Variants in VEPH1 observed in about 807,000 individuals in gnomAD.
VEPH1 encodes the protein ventricular zone-expressed PH domain-containing protein homolog 1.
VEPH1 carries 80 observed loss-of-function variants against 85.2 expected under a neutral mutation model. The observed-to-expected ratio is 0.94, with a 90% CI of 0.78 to 1.13. The LOEUF (loss-of-function observed/expected upper bound fraction) is 1.13. Among genes scored for constraint, VEPH1 ranks in the 50% most tolerant of loss-of-function variants. The pLI is 0.00. For synonymous variants in VEPH1, 297 were observed against 348.0 expected (o/e 0.85, Z 1.63); for missense variants, 955 against 980.5 (o/e 0.97, Z 0.35).
At chr3:157,351,400 G>C (rs555466922) in intron 9 of VEPH1, among the ~76,000 whole-genome samples, 1 of 152,000 alleles carries the variant, frequency 6.6e-6, no homozygotes, top group East Asian at 2.0e-4. Context: ...ATCCATGTTG[G>C]ACAGGCTGGT....
chr3:157,412,690 G>C (rs1731622035), intron 6 of VEPH1, among the ~76,000 whole-genome samples: 1 of 151,850 alleles, frequency 6.6e-6, no homozygotes. Flanking sequence ...ATTATACTAA[G>C]AGTACATCTA....
chr3:157,456,731 C>T (rs572397715), intron 4 of VEPH1, among the ~76,000 whole-genome samples: 10 of 151,814 alleles, frequency 6.6e-5, no homozygotes, highest in African/African-American at 1.5e-4. Context: ...TTGGTCTATG[C>T]GTGTGTTTTT....
chr3:157,446,790 A>G (rs1734588087), intron 4 of VEPH1, among the ~76,000 whole-genome samples: 1 of 152,190 alleles, frequency 6.6e-6, no homozygotes. Flanking sequence ...CCTTGCATCA[A>G]GTTTTATAAA....
chr3:157,385,557 G>A (rs1054927409), intron 6 of VEPH1, among the ~76,000 whole-genome samples: 2 of 152,222 alleles, frequency 1.3e-5, no homozygotes, highest in African/African-American at 4.8e-5. Flanking sequence ...AAAAAATTTA[G>A]TGAGAAGACT....
intron 5 of VEPH1, among the ~76,000 whole-genome samples, chr3:157,418,722 T>C (rs146993012): frequency 6.6e-6 from 1 of 152,034 alleles, no homozygotes; most frequent in Non-Finnish European, 1.5e-5. Context: ...TGCTCATAGA[T>C]AGAAAGAATC....
At chr3:157,464,994 C>T (rs1736230015) in intron 3 of VEPH1, among the ~76,000 whole-genome samples, 2 of 152,308 alleles carry the variant, frequency 1.3e-5, no homozygotes, top group East Asian at 1.9e-4. Context: ...AATTGGCACA[C>T]AAGCTAAGTT....
At chr3:157,381,672 TTGTGCCACTG>T in intron 6 of VEPH1, 3 of 368,488 alleles carry the variant, frequency 8.1e-6, no homozygotes, top group Non-Finnish European at 1.5e-5. Context: ...TGAGCCAAGA[TTGTGCCACTG>T]CACTCCAGCC....
At chr3:157,450,041 A>AG in intron 4 of VEPH1, among the ~76,000 whole-genome samples, 1 of 135,104 alleles carries the variant, frequency 7.4e-6, no homozygotes, top group Non-Finnish European at 1.6e-5. Context: ...TGACTGGAGA[A>AG]TATTTACTTT....
intron 7 of VEPH1, among the ~76,000 whole-genome samples, chr3:157,379,213 C>T (rs1054318081): frequency 3.3e-5 from 5 of 152,342 alleles, no homozygotes; most frequent in Admixed American, 6.5e-5. Flanking sequence ...TCTGACCTAA[C>T]TTTTCAACTT....
intron 6 of VEPH1, among the ~76,000 whole-genome samples, chr3:157,391,575 C>T (rs1223301240): frequency 6.6e-6 from 1 of 152,162 alleles, no homozygotes; most frequent in South Asian, 2.1e-4. Context: ...AGGTCAGAGT[C>T]TTTGGGAAAT....
intron 6 of VEPH1, among the ~76,000 whole-genome samples, chr3:157,391,110 G>GTTCCAC (rs1729812945): frequency 6.6e-6 from 1 of 152,290 alleles, no homozygotes; most frequent in South Asian, 2.1e-4. Context: ...ACCCCTTGCC[G>GTTCCAC]TTCCACGCCT....
intron 5 of VEPH1, among the ~76,000 whole-genome samples, chr3:157,426,806 CTTTTT>C (rs532205431): frequency 8.6e-6 from 1 of 116,242 alleles, no homozygotes; most frequent in Non-Finnish European, 1.7e-5. Context: ...AAATCTGTTG[CTTTTT>C]TTTTTTTTTT....
In VEPH1 at chr3:157,325,100, C is replaced by CT. The variant is rs200265930; in HGVS notation, c.1736-7900dup. The stretch of plus-strand genomic sequence containing the variant: ...TTCTCTAATGATCAGTGACATTGAG[C>CT]TTTTTTTCATGTTTGTTGGCTGCAT... On this transcript the variant is annotated intron_variant, in intron 9 of 13. Coordinates refer to ENST00000362010, the MANE Select transcript of VEPH1 (RefSeq NM_001167912.2). 9.6e-3 allele frequency among the ~76,000 whole-genome samples: 1,459 copies of CT among 152,184 alleles called. 25 individuals are homozygous for CT. Among genetic ancestry groups the CT allele is most frequent in the East Asian group, 0.043 (222 of 5,174 alleles).
intron 6 of VEPH1, among the ~76,000 whole-genome samples, chr3:157,401,340 G>A (rs1023702894): frequency 1.3e-5 from 2 of 152,082 alleles, no homozygotes; most frequent in African/African-American, 4.8e-5. Flanking sequence ...GAACAATATG[G>A]TAAGATTTAA....
chr3:157,348,217 G>A (rs1216597418), intron 9 of VEPH1, among the ~76,000 whole-genome samples: 1 of 152,158 alleles, frequency 6.6e-6, no homozygotes, highest in African/African-American at 2.4e-5. Flanking sequence ...AGGGGCATGG[G>A]GGTGCAGATG....
At chr3:157,340,197 C>T (rs1303977499) in intron 9 of VEPH1, among the ~76,000 whole-genome samples, 1 of 152,170 alleles carries the variant, frequency 6.6e-6, no homozygotes, top group African/African-American at 2.4e-5. Flanking sequence ...GTGCAGCCCA[C>T]TGAGTGTGAG....
chr3:157,318,540 G>A (rs140805526), intron 9 of VEPH1, among the ~76,000 whole-genome samples: 37 of 151,652 alleles, frequency 2.4e-4, no homozygotes, highest in African/African-American at 8.2e-4. Context: ...CCAGGAGGTG[G>A]AGTCTGCAGT....
At chr3:157,430,841 G>T (rs753589056) in intron 4 of VEPH1, among the ~76,000 whole-genome samples, 1 of 152,102 alleles carries the variant, frequency 6.6e-6, no homozygotes, top group Non-Finnish European at 1.5e-5. Flanking sequence ...CAAAATTAGT[G>T]GCCTAAAATA....
chr3:157,291,556 A>G (rs1559929543), intron 11 of VEPH1, among the ~76,000 whole-genome samples: 1 of 152,262 alleles, frequency 6.6e-6, no homozygotes, highest in Non-Finnish European at 1.5e-5. Flanking sequence ...TGAAAGAGAC[A>G]TAGTCATCAG....
Sources: allele counts gnomAD v4.1 joint callset (sites outside exome capture counted in the v4.1 genomes callset), GRCh38; gene constraint gnomAD v4.1.1; transcripts MANE v1.5; gene names NCBI Gene and HGNC (gene_info 2026-07-23, HGNC 2026-07-21).